Variants in DLC1 observed in about 807,000 individuals in gnomAD.
DLC1 encodes rho GTPase-activating protein 7.
In DLC1, 54 loss-of-function variants were observed where a neutral mutation model predicts 140.3. The ratio of observed to expected loss-of-function variants is 0.38; its 90% CI spans 0.31 to 0.48. The LOEUF is 0.48. Ranked by LOEUF, DLC1 falls within the 20% of genes least tolerant of loss-of-function variation. DLC1 has a pLI of 0.96. For synonymous variants in DLC1, 986 were observed against 728.1 expected (o/e 1.35, Z -5.70); for missense variants, 2,536 against 1,907.0 (o/e 1.33, Z -6.14).
intron 4 of DLC1, among the ~76,000 whole-genome samples, chr8:13,343,473 C>G (rs1563268164): frequency 6.6e-6 from 1 of 152,138 alleles, no homozygotes; most frequent in South Asian, 2.1e-4. Context: ...ATAAAAGTTA[C>G]AAGATGGGGA....
rs1563454126 is a variant in DLC1 at position 13,579,364 on chromosome 8, T to TAATATATTATATTTTATA, written c.-126+25172_-126+25173insTATAAAATATAATATATT. On this transcript the variant is annotated intron_variant, in intron 1 of 1. Coordinates refer to the DLC1 transcript ENST00000631382. ...ATATATATATATATATATATATATT[T>TAATATATTATATTTTATA]TTATATAATACATATTTATATATTA... Among the ~76,000 whole-genome samples the TAATATATTATATTTTATA allele has an allele frequency of 1.1e-4, 4 of 37,268 alleles. 2 individuals are homozygous for TAATATATTATATTTTATA. The South Asian group carries it at 3.3e-3, about 31-fold the overall frequency. The allele number at this position is 37,268 out of a possible 152,430, so 24.4% of individuals were successfully genotyped here.
intron 2 of DLC1, among the ~76,000 whole-genome samples, chr8:13,430,472 C>G (rs1196558896): frequency 6.6e-6 from 1 of 152,116 alleles, no homozygotes; most frequent in South Asian, 2.1e-4. Flanking sequence ...GTGATGATTA[C>G]ATATTAGAGT....
At chr8:13,515,686 C>G (rs1361343849), upstream of DLC1, 9 of 152,164 alleles carry the variant, frequency 5.9e-5, no homozygotes, top group Non-Finnish European at 1.0e-4. Flanking sequence ...TCTTGTGCCT[C>G]CCTTGAATGA....
intron 1 of DLC1, among the ~76,000 whole-genome samples, chr8:13,532,181 G>C (rs1803120791): frequency 1.3e-5 from 2 of 152,108 alleles, no homozygotes; most frequent in African/African-American, 4.8e-5. Flanking sequence ...TAGGCAGGGG[G>C]ATAGCTTGAG....
At position 13,493,488 on chromosome 8, in the gene DLC1, GT is replaced by G. The variant is rs535347170; in HGVS notation, c.1023+5560del. On this transcript the variant is annotated intron_variant, in intron 2 of 17. Coordinates refer to ENST00000276297, the MANE Select transcript of DLC1 (RefSeq NM_182643.3). ...TAGATGATGTTTTGATACATACAAT[GT>G]TTAGTGATCAGATCTGGGTAATTAG... 1.2e-4 allele frequency among the ~76,000 whole-genome samples: 18 copies of G among 152,204 alleles called. 1 individual carries two copies. In the South Asian group the frequency reaches 3.5e-3, roughly 30 times the overall value.
chr8:13,121,405 T>C (rs989571271), intron 5 of DLC1, among the ~76,000 whole-genome samples: 1 of 152,164 alleles, frequency 6.6e-6, no homozygotes, highest in African/African-American at 2.4e-5. Context: ...TGGTTTTAAT[T>C]ACAACCCATC....
intron 4 of DLC1, among the ~76,000 whole-genome samples, chr8:13,355,803 G>A (rs1161854772): frequency 6.6e-6 from 1 of 151,778 alleles, no homozygotes; most frequent in East Asian, 1.9e-4. Flanking sequence ...TCTTATTTTT[G>A]GCTCAGCATG....
At chr8:13,424,504 C>T (rs945949686) in intron 2 of DLC1, among the ~76,000 whole-genome samples, 3 of 151,954 alleles carry the variant, frequency 2.0e-5, no homozygotes, top group Non-Finnish European at 4.4e-5. Flanking sequence ...ATAATAATAA[C>T]AATAAAATAA....
At chr8:13,488,270 C>T (rs927252777) in intron 2 of DLC1, among the ~76,000 whole-genome samples, 11 of 152,100 alleles carry the variant, frequency 7.2e-5, no homozygotes, top group African/African-American at 2.4e-4. Context: ...ATAGTTGAAC[C>T]ATTTTGTTAA....
chr8:13,505,439 A>T (rs1313104797), intron 1 of DLC1, among the ~76,000 whole-genome samples: 1 of 152,208 alleles, frequency 6.6e-6, no homozygotes, highest in African/African-American at 2.4e-5. Flanking sequence ...GTATTATGAT[A>T]TTGTGTGCCA....
chr8:13,384,931 T>A (rs976524233), intron 4 of DLC1, among the ~76,000 whole-genome samples: 2 of 149,564 alleles, frequency 1.3e-5, no homozygotes, highest in South Asian at 4.3e-4. Flanking sequence ...AAAAAAAAAA[T>A]TGTCAACATT....
At chr8:13,218,750 C>G (rs1038653702) in intron 5 of DLC1, among the ~76,000 whole-genome samples, 1 of 137,240 alleles carries the variant, frequency 7.3e-6, no homozygotes, top group Non-Finnish European at 1.5e-5. Flanking sequence ...ATCATATGAC[C>G]CACCAATTCT....
intron 2 of DLC1, among the ~76,000 whole-genome samples, chr8:13,498,634 C>T (rs891631461): frequency 3.3e-5 from 5 of 152,022 alleles, no homozygotes; most frequent in Admixed American, 3.3e-4. Context: ...AAAACATAGT[C>T]TTTTTGAAGA....
At chr8:13,338,606 G>T (rs1048825951) in intron 4 of DLC1, 22 of 152,130 alleles carry the variant, frequency 1.4e-4, no homozygotes, top group African/African-American at 5.1e-4. Flanking sequence ...AGATGAACAA[G>T]CTCTGATCCC....
chr8:13,434,280 A>G (rs1324306501), intron 2 of DLC1, among the ~76,000 whole-genome samples: 1 of 152,252 alleles, frequency 6.6e-6, no homozygotes, highest in East Asian at 1.9e-4. Flanking sequence ...GAGATGGAAC[A>G]GTGAGTTCTA....
intron 4 of DLC1, among the ~76,000 whole-genome samples, chr8:13,379,053 T>A (rs1836131398): frequency 1.3e-5 from 2 of 152,220 alleles, no homozygotes; most frequent in Admixed American, 1.3e-4. Flanking sequence ...GGTTTGATGA[T>A]AACATTTTAA....
chr8:13,466,995 A>G (rs1799972014), intron 2 of DLC1, among the ~76,000 whole-genome samples: 1 of 151,660 alleles, frequency 6.6e-6, no homozygotes, highest in Admixed American at 6.6e-5. Flanking sequence ...TGAGTATGAC[A>G]TATCCCTCTA....
At chr8:13,583,428 A>T (rs527647118) in intron 1 of DLC1, among the ~76,000 whole-genome samples, 1 of 152,320 alleles carries the variant, frequency 6.6e-6, no homozygotes, top group South Asian at 2.1e-4. Context: ...ACAAGATTGC[A>T]GCAAGTCAAT....
chr8:13,425,122 T>TAA lies in DLC1; in HGVS notation c.1024-23505_1024-23504dup, dbSNP rs565899163. Among the ~76,000 whole-genome samples, 274 of 140,276 alleles carry TAA rather than the reference T, an allele frequency of 2.0e-3. 1 individual carries two copies. Among genetic ancestry groups the TAA allele is most frequent in the African/African-American group, 6.6e-3 (254 of 38,382 alleles). The allele number at this position is 140,276 out of a possible 152,430, so 92.0% of individuals were successfully genotyped here. The stretch of plus-strand genomic sequence containing the variant: ...CAAGTTCCTAGAACACAATGTGCAG[T>TAA]AAAAAAAAAAAAGGGTCATTATCTC... On this transcript the variant is annotated intron_variant, in intron 2 of 17. Transcript: ENST00000276297.
Sources: gnomAD v4.1 joint callset for allele counts (sites outside exome capture counted in the v4.1 genomes callset) on GRCh38, gnomAD v4.1.1 for gene constraint, MANE v1.5 for transcripts, NCBI Gene and HGNC (gene_info 2026-07-23, HGNC 2026-07-21) for gene names.